Variants in RNF216 observed in about 807,000 individuals in gnomAD.
The protein encoded by RNF216 is E3 ubiquitin-protein ligase RNF216.
Under a neutral mutation model 110.8 loss-of-function variants are expected in RNF216, and 72 were observed. That is an observed-to-expected ratio of 0.65 (90% CI 0.54 to 0.79). The LOEUF (loss-of-function observed/expected upper bound fraction) is 0.79, where lower values mean the gene tolerates loss of function less well. Among genes scored for constraint, RNF216 ranks in the 30% least tolerant of loss-of-function variants. The probability of loss-of-function intolerance (pLI) is 0.00; values close to 1 mark genes in which losing one functional copy is unlikely to be tolerated. For synonymous variants in RNF216, 495 were observed against 407.5 expected, an observed-to-expected ratio of 1.21 and a Z score of -2.59; for missense variants, 1,342 against 1,141.2, an observed-to-expected ratio of 1.18 and a Z score of -2.54.
Position 5,716,765 on chromosome 7 carries a change from T to G in RNF216, c.1646A>C (p.His549Pro). 1.2e-6 allele frequency: 2 copies of G among 1,605,596 alleles called. No homozygotes were observed. Among genetic ancestry groups the G allele is most frequent in the Non-Finnish European group, 1.7e-6 (2 of 1,175,588 alleles). The change falls in exon 10 of 17, where the codon CAT becomes CCT. Residue 549 changes from histidine (H) to proline (P), a missense_variant and splice_region_variant. Physicochemically the swap from His to Pro is moderately conservative, Grantham distance 77. Coordinates refer to ENST00000389902, the MANE Select transcript of RNF216 (RefSeq NM_207111.4). Reference sequence around the variant, plus strand: ...CTGTAGGGCAAGCAAAAAGTCTTCATGCTGAAGAACAAAAAAGGCACACAT... The same window carrying G: ...CTGTAGGGCAAGCAAAAAGTCTTCAGGCTGAAGAACAAAAAAGGCACACAT... ...YEQKIKEMAE[H>P]EDFLLALQMN...
intron 13 of RNF216, among the ~76,000 whole-genome samples, chr7:5,698,926 G>T (rs919144648): frequency 2.0e-5 from 3 of 152,106 alleles, no homozygotes; most frequent in African/African-American, 7.2e-5. Flanking sequence ...CAGGACATTC[G>T]AATAAGGGTC....
intron 13 of RNF216, among the ~76,000 whole-genome samples, chr7:5,685,948 C>T (rs1036422232): frequency 3.9e-5 from 6 of 152,156 alleles, no homozygotes; most frequent in South Asian, 2.1e-4. Context: ...TCCGGCCGGG[C>T]GCGGTGGCTC....
chr7:5,648,808 A>G, intron 14 of RNF216, among the ~76,000 whole-genome samples: 1 of 152,070 alleles, frequency 6.6e-6, no homozygotes, highest in East Asian at 1.9e-4. Flanking sequence ...AAACCAGCCA[A>G]CTCTAGAAGA....
chr7:5,685,457 T>C (rs932061627), intron 13 of RNF216, among the ~76,000 whole-genome samples: 4 of 152,144 alleles, frequency 2.6e-5, no homozygotes, highest in African/African-American at 9.7e-5. Context: ...CTATAGAAAT[T>C]GTTCTGTTAC....
At chr7:5,732,170 T>C (rs555452126) in intron 5 of RNF216, among the ~76,000 whole-genome samples, 18 of 152,268 alleles carry the variant, frequency 1.2e-4, no homozygotes, top group Non-Finnish European at 1.9e-4. Flanking sequence ...TATAAAACCA[T>C]TGTCATCAGT....
At chr7:5,764,626 C>G (rs1268554498) in intron 1 of RNF216, among the ~76,000 whole-genome samples, 1 of 144,872 alleles carries the variant, frequency 6.9e-6, no homozygotes, top group Non-Finnish European at 1.5e-5. Context: ...CCAGCCTGGG[C>G]AACAGAGCAA....
In RNF216 at chr7:5,641,977, G is replaced by A. The variant is rs1216638620; in HGVS notation, c.2160-601C>T. On this transcript the variant is annotated intron_variant, in intron 14 of 16. Transcript: ENST00000389902. ...AAACCCGGGAGGTGAAGGCTGCAGT[G>A]AGCTGAGACCGTGTCACTGCACCCC... 2.1e-5 allele frequency among the ~76,000 whole-genome samples: 3 copies of A among 145,504 alleles called. No homozygotes were observed. In the South Asian group the frequency reaches 6.6e-4, roughly 32 times the overall value.
chr7:5,755,861 T>G (rs1795609833), intron 2 of RNF216, among the ~76,000 whole-genome samples: 1 of 152,168 alleles, frequency 6.6e-6, no homozygotes, highest in East Asian at 1.9e-4. Context: ...CAGATAACAC[T>G]AAACAAATTT....
intron 1 of RNF216, among the ~76,000 whole-genome samples, chr7:5,763,640 GGC>G (rs1562472903): frequency 6.6e-6 from 1 of 151,954 alleles, no homozygotes; most frequent in African/African-American, 2.4e-5. Context: ...ACACGATCAC[GGC>G]TCACTACAGC....
chr7:5,675,778 C>T (rs1451850358), intron 13 of RNF216, among the ~76,000 whole-genome samples: 1 of 148,010 alleles, frequency 6.8e-6, no homozygotes, highest in Non-Finnish European at 1.5e-5. Flanking sequence ...GGTGCGATCT[C>T]AGCTCACTGA....
At chr7:5,713,801 G>A (rs1184211417) in intron 11 of RNF216, among the ~76,000 whole-genome samples, 1 of 152,228 alleles carries the variant, frequency 6.6e-6, no homozygotes, top group African/African-American at 2.4e-5. Flanking sequence ...TTTACCATGT[G>A]TCAAACAATA....
chr7:5,753,855 C>T (rs1179230313), intron 2 of RNF216, among the ~76,000 whole-genome samples: 2 of 152,010 alleles, frequency 1.3e-5, no homozygotes, highest in Admixed American at 6.6e-5. Flanking sequence ...ATTAGCCATG[C>T]GTGGTGGCGC....
At chr7:5,691,269 C>T (rs2128613550) in intron 13 of RNF216, among the ~76,000 whole-genome samples, 1 of 152,340 alleles carries the variant, frequency 6.6e-6, no homozygotes, top group East Asian at 1.9e-4. Flanking sequence ...CCGACGGCAG[C>T]ATTTGACTGC....
In RNF216 at chr7:5,624,162, T is replaced by C; in HGVS notation, c.2383-37A>G. Reference sequence around the variant, plus strand: ...GCAATGAGAAGGATGAACCTGTAGCTTCATGCAGTGCTGAGGCCCCGTGGG... The same window carrying C: ...GCAATGAGAAGGATGAACCTGTAGCCTCATGCAGTGCTGAGGCCCCGTGGG... On this transcript the variant is annotated intron_variant, in intron 15 of 16. Coordinates refer to ENST00000389902, the MANE Select transcript of RNF216 (RefSeq NM_207111.4). This position sits in a 1 kb window ranked among gnomAD's most constrained non-coding sequence, Gnocchi z 4.4. The C allele has an allele frequency of 6.3e-7, 1 of 1,581,914 alleles. No individual in the cohort carries two copies. Among genetic ancestry groups the C allele is most frequent in the Non-Finnish European group, 8.7e-7 (1 of 1,154,784 alleles).
intron 1 of RNF216, chr7:5,774,996 G>A (rs568296860): frequency 1.3e-5 from 2 of 152,206 alleles, no homozygotes; most frequent in South Asian, 2.1e-4. Context: ...CCACCCCCCC[G>A]ACACTCACCA....
intron 13 of RNF216, among the ~76,000 whole-genome samples, chr7:5,667,505 G>A (rs117889531): frequency 0.013 from 2,033 of 152,286 alleles, 38 homozygotes; most frequent in South Asian, 0.046. Flanking sequence ...CGGGAACCAG[G>A]GGAACCCCCC....
intron 3 of RNF216, among the ~76,000 whole-genome samples, chr7:5,748,450 G>A (rs1298459974): frequency 6.6e-6 from 1 of 152,140 alleles, no homozygotes; most frequent in Non-Finnish European, 1.5e-5. Context: ...AGTAGAGACG[G>A]GGTTTCACCA....
At chr7:5,777,012 G>C (rs1423244452) in intron 1 of RNF216, among the ~76,000 whole-genome samples, 3 of 152,024 alleles carry the variant, frequency 2.0e-5, no homozygotes, top group Non-Finnish European at 4.4e-5. Context: ...GAGCACAACA[G>C]CTTTCACTTA....
intron 16 of RNF216, among the ~76,000 whole-genome samples, chr7:5,623,794 T>C (rs1051058072): frequency 1.3e-5 from 2 of 152,152 alleles, no homozygotes; most frequent in African/African-American, 4.8e-5. Context: ...CAGGTGTGGC[T>C]TGATTGATTC....
Sources: gnomAD v4.1 joint callset for allele counts (sites outside exome capture counted in the v4.1 genomes callset) on GRCh38, gnomAD v4.1.1 for gene constraint, Gnocchi (gnomAD v3.1) non-coding constraint, MANE v1.5 for transcripts, NCBI Gene and HGNC (gene_info 2026-07-23, HGNC 2026-07-21) for gene names.